The following BCL2 variants were observed in gnomAD, a reference collection of about 807,000 sequenced individuals.
BCL2 encodes the protein apoptosis regulator Bcl-2.
BCL2 carries 1 observed loss-of-function variant against 14.2 expected under a neutral mutation model. The observed-to-expected ratio is 0.07, with a 90% CI of 0.02 to 0.33. BCL2 has a LOEUF of 0.33. Ranked by LOEUF, BCL2 falls within the 10% of genes least tolerant of loss-of-function variation. The pLI, the probability that BCL2 is intolerant of heterozygous loss-of-function variation, is 0.99. For missense variants in BCL2, 247 were observed against 305.9 expected (o/e 0.81, Z 1.44); for synonymous variants, 151 against 137.2 (o/e 1.10, Z -0.70).
At chr18:63,292,222 C>CAAA (rs749093257) in intron 2 of BCL2, among the ~76,000 whole-genome samples, 36 of 56,396 alleles carry the variant, frequency 6.4e-4, no homozygotes, top group East Asian at 4.9e-3. Flanking sequence ...AACCCCAGTG[C>CAAA]AAAAAAAAAA....
At chr18:63,277,878 G>A (rs1192796848) in intron 2 of BCL2, among the ~76,000 whole-genome samples, 3 of 152,226 alleles carry the variant, frequency 2.0e-5, no homozygotes, top group South Asian at 2.1e-4. Context: ...ACACTCTAAC[G>A]TGGGGACACG....
intron 2 of BCL2, among the ~76,000 whole-genome samples, chr18:63,251,422 T>C (rs538046263): frequency 6.6e-5 from 10 of 151,954 alleles, no homozygotes; most frequent in African/African-American, 2.4e-4. Context: ...GGCAGGCGGA[T>C]CACCAGGTCA....
At chr18:63,254,503 T>C (rs1031094019) in intron 2 of BCL2, among the ~76,000 whole-genome samples, 2 of 149,134 alleles carry the variant, frequency 1.3e-5, no homozygotes, top group South Asian at 2.1e-4. Context: ...TTGCAGGAGC[T>C]GAAATCATGT....
intron 2 of BCL2, among the ~76,000 whole-genome samples, chr18:63,172,488 C>G (rs1915244891): frequency 6.6e-6 from 1 of 152,138 alleles, no homozygotes; most frequent in Non-Finnish European, 1.5e-5. Flanking sequence ...AAATGGTAAA[C>G]AGTGAATTCC....
chr18:63,222,710 G>A (rs1388744271), intron 2 of BCL2, among the ~76,000 whole-genome samples: 2 of 152,138 alleles, frequency 1.3e-5, no homozygotes, highest in African/African-American at 4.8e-5. Context: ...CAAAAATGGA[G>A]AATTGAACAC....
chr18:63,150,590 C>T (rs1227853081), intron 2 of BCL2, among the ~76,000 whole-genome samples: 1 of 152,174 alleles, frequency 6.6e-6, no homozygotes, highest in East Asian at 1.9e-4. Flanking sequence ...CTCTGTGAAA[C>T]CATCACTTCT....
intron 2 of BCL2, among the ~76,000 whole-genome samples, chr18:63,264,900 C>T (rs546636906): frequency 0.07 from 8 of 114 alleles, no homozygotes; most frequent in African/African-American, 0.13. Flanking sequence ...CAAGTCCTCT[C>T]GGGATGAGGC....
intron 2 of BCL2, among the ~76,000 whole-genome samples, chr18:63,260,118 C>T (rs890660800): frequency 9.9e-5 from 15 of 151,664 alleles, no homozygotes; most frequent in Admixed American, 3.3e-4. Context: ...TTTTCTTGGT[C>T]ACATGAACAC....
rs762919006 is a variant in BCL2, at chr18:63,152,037, C to T, written c.586-23278G>A. 4.9e-4 allele frequency among the ~76,000 whole-genome samples: 75 copies of T among 152,232 alleles called. 1 individual carries two copies. Among genetic ancestry groups the T allele is most frequent in the Non-Finnish European group, 9.7e-4 (66 of 68,020 alleles). On this transcript the variant is annotated intron_variant, in intron 2 of 2. Transcript: ENST00000333681. ...GTTTTGGAGGACAATCAGAGAAATG[C>T]CCTCAGAACTTCGAGTAGGGGATTG...
At chr18:63,289,365 C>A (rs1912574803) in intron 2 of BCL2, among the ~76,000 whole-genome samples, 1 of 152,122 alleles carries the variant, frequency 6.6e-6, no homozygotes, top group South Asian at 2.1e-4. Flanking sequence ...AAGGTGAGAT[C>A]AGATCTGGGC....
chr18:63,283,104 A>T (rs1912361505), intron 2 of BCL2, among the ~76,000 whole-genome samples: 1 of 152,218 alleles, frequency 6.6e-6, no homozygotes. Flanking sequence ...AACTTTCAAG[A>T]CCTATTTCCC....
intron 2 of BCL2, among the ~76,000 whole-genome samples, chr18:63,243,426 C>T (rs1037118859): frequency 8.5e-5 from 13 of 152,096 alleles, no homozygotes; most frequent in African/African-American, 2.4e-4. Context: ...GGGCTTAAAA[C>T]CTGGGTGACA....
At chr18:63,155,547 A>G (rs897941967) in intron 2 of BCL2, among the ~76,000 whole-genome samples, 1 of 151,834 alleles carries the variant, frequency 6.6e-6, no homozygotes, top group East Asian at 1.9e-4. Context: ...TGGGCGCGGT[A>G]AAGAGACTGC....
chr18:63,265,007 G>A (rs974432036), intron 2 of BCL2, among the ~76,000 whole-genome samples: 4 of 39,640 alleles, frequency 1.0e-4, no homozygotes, highest in South Asian at 8.3e-4. Context: ...CTGGAGAGGC[G>A]CCAGGGTCCT....
At position 63,169,293 on chromosome 18, in the gene BCL2, T is replaced by C. The variant is rs1437692531; in HGVS notation, c.586-40534A>G. Reference sequence around the variant, plus strand: ...CTTTCTTTCTTTCTTTCTTTCTTTCTTTCTTTCTTTCTTTCTTCCTTCCTT... The same window carrying C: ...CTTTCTTTCTTTCTTTCTTTCTTTCCTTCTTTCTTTCTTTCTTCCTTCCTT... On this transcript the variant is annotated intron_variant, in intron 2 of 2. Transcript: ENST00000333681. 8.9e-3 allele frequency among the ~76,000 whole-genome samples: 825 copies of C among 92,196 alleles called. 68 individuals are homozygous for C. Among genetic ancestry groups the C allele is most frequent in the African/African-American group, 0.026 (445 of 17,258 alleles). 60.5% of individuals were successfully genotyped at this position (92,196 alleles called of 152,430 possible).
intron 2 of BCL2, among the ~76,000 whole-genome samples, chr18:63,231,428 C>T (rs1910684603): frequency 6.6e-6 from 1 of 151,840 alleles, no homozygotes; most frequent in South Asian, 2.1e-4. Context: ...GCATTATTTG[C>T]AAATGATAAG....
At chr18:63,272,326 G>A (rs995449308) in intron 2 of BCL2, among the ~76,000 whole-genome samples, 1 of 152,160 alleles carries the variant, frequency 6.6e-6, no homozygotes, top group African/African-American at 2.4e-5. Flanking sequence ...TAAGACACTG[G>A]CCATTACAGG....
At chr18:63,150,617 C>A (rs1022514137) in intron 2 of BCL2, among the ~76,000 whole-genome samples, 1 of 152,120 alleles carries the variant, frequency 6.6e-6, no homozygotes, top group African/African-American at 2.4e-5. Flanking sequence ...TTTCCGTGTC[C>A]CATGAACATG....
At chr18:63,199,513 G>A (rs998063570) in intron 2 of BCL2, among the ~76,000 whole-genome samples, 3 of 145,088 alleles carry the variant, frequency 2.1e-5, no homozygotes, top group African/African-American at 7.7e-5. Context: ...CACAGACACA[G>A]AGACACACAC....
Sources: allele counts gnomAD v4.1 joint callset (sites outside exome capture counted in the v4.1 genomes callset), GRCh38; gene constraint gnomAD v4.1.1; transcripts MANE v1.5; gene names NCBI Gene and HGNC (gene_info 2026-07-23, HGNC 2026-07-21).